ARHGAP6: variants seen among roughly 807,000 people sequenced by gnomAD.
The protein encoded by ARHGAP6 is rho GTPase-activating protein 6.
In ARHGAP6, 16 loss-of-function variants were observed where a neutral mutation model predicts 55.7. The ratio of observed to expected loss-of-function variants is 0.29; its 90% CI spans 0.19 to 0.44. The LOEUF is 0.44. Among genes scored for constraint, ARHGAP6 ranks in the 20% least tolerant of loss-of-function variants. The probability of loss-of-function intolerance (pLI) is 1.00; values close to 1 mark genes in which losing one functional copy is unlikely to be tolerated. For synonymous variants in ARHGAP6, 382 were observed against 360.9 expected (o/e 1.06, Z -0.66); for missense variants, 698 against 808.9 (o/e 0.86, Z 1.66).
intron 1 of ARHGAP6, among the ~76,000 whole-genome samples, chrX:11,498,720 G>A (rs1336478457): frequency 3.6e-5 from 4 of 111,099 alleles, no homozygotes; most frequent in African/African-American, 6.6e-5. Context: ...TGAGTATATC[G>A]AAGCATCTGT....
chrX:11,228,816 G>A (rs1310385508), intron 2 of ARHGAP6, among the ~76,000 whole-genome samples: 1 of 111,881 alleles, frequency 8.9e-6, no homozygotes, highest in African/African-American at 3.2e-5. Flanking sequence ...TATGTTATAT[G>A]ATACAAGCAT....
In ARHGAP6 at chrX:11,380,394, G is replaced by A. The variant is rs550281744; in HGVS notation, c.589-125687C>T. On this transcript the variant is annotated intron_variant, in intron 1 of 12. Transcript: ENST00000337414. Reference sequence around the variant, plus strand: ...TGAGTCACATTTGTTCCTAGTGTACGCCAGACTTTCCCCTTTTAGATGCTT... The same window carrying A: ...TGAGTCACATTTGTTCCTAGTGTACACCAGACTTTCCCCTTTTAGATGCTT... Among the ~76,000 whole-genome samples the A allele has an allele frequency of 4.5e-5, 5 of 111,982 alleles. No individual in the cohort carries two copies. In the South Asian group the frequency reaches 1.1e-3, roughly 25 times the overall value.
chrX:11,406,489 A>C (rs922874506), intron 1 of ARHGAP6, among the ~76,000 whole-genome samples: 4 of 111,313 alleles, frequency 3.6e-5, no homozygotes, highest in African/African-American at 9.8e-5. Context: ...CACACACCCC[A>C]CACACACACT....
chrX:11,221,238 T>C (rs2046965159), intron 2 of ARHGAP6: 1 of 116,093 alleles, frequency 8.6e-6, no homozygotes, highest in Non-Finnish European at 1.9e-5. Flanking sequence ...TTGCCTTTGG[T>C]TCTGCAGTTC....
At position 11,664,571 on chromosome X, in the gene ARHGAP6, C is replaced by A; in HGVS notation, c.258G>T (p.Pro86=). 8.4e-7 allele frequency: 1 copy of A among 1,186,319 alleles called. No individual in the cohort carries two copies. Among genetic ancestry groups the A allele is most frequent in the Non-Finnish European group, 1.1e-6 (1 of 882,465 alleles). ...GPRLASSSRG[P]PPRATRLPPP... is the part of the protein sequence containing the mutation. ...GCGGTAGCCTGGTGGCCCTGGGGGGCGGACCCCGGGAAGAGGACGCCAAGC... is the reference window on the plus strand; with the variant it reads ...GCGGTAGCCTGGTGGCCCTGGGGGGAGGACCCCGGGAAGAGGACGCCAAGC... Residue 86 remains proline (P), a synonymous_variant, in exon 1 of 13, where the codon CCG becomes CCT. Transcript: ENST00000337414.
chrX:11,560,225 C>A (rs1256378406), intron 1 of ARHGAP6, among the ~76,000 whole-genome samples: 1 of 111,423 alleles, frequency 9.0e-6, no homozygotes, highest in Non-Finnish European at 1.9e-5. Flanking sequence ...ATTTCAGTTA[C>A]CCAAGTTGTC....
At chrX:11,178,059 G>A in intron 8 of ARHGAP6, 41 bp downstream of exon 8, 1 of 1,208,951 alleles carries the variant, frequency 8.3e-7, no homozygotes, top group South Asian at 1.8e-5. Context: ...AAATAGGGGA[G>A]AGGAAGAGTC....
chrX:11,398,348 A>C (rs915993527), intron 1 of ARHGAP6, among the ~76,000 whole-genome samples: 1 of 109,730 alleles, frequency 9.1e-6, no homozygotes, highest in Non-Finnish European at 1.9e-5. Context: ...TTACTCATCT[A>C]TATATAATAT....
intron 1 of ARHGAP6, among the ~76,000 whole-genome samples, chrX:11,561,154 T>C (rs760575018): frequency 1.8e-4 from 20 of 112,095 alleles, no homozygotes; most frequent in Non-Finnish European, 3.2e-4. Context: ...TGCCAGCCCT[T>C]GATCCAAAGT....
chrX:11,594,644 G>A (rs1447416904), intron 1 of ARHGAP6, among the ~76,000 whole-genome samples: 2 of 111,095 alleles, frequency 1.8e-5, no homozygotes, highest in African/African-American at 3.3e-5. Context: ...GATTTAAGGT[G>A]CATACTCCTT....
At chrX:11,504,231 T>G (rs1048827093) in intron 1 of ARHGAP6, among the ~76,000 whole-genome samples, 3 of 112,391 alleles carry the variant, frequency 2.7e-5, no homozygotes, top group Admixed American at 1.9e-4. Flanking sequence ...TTTTTGTTAT[T>G]ATGTTTAATT....
chrX:11,387,902 C>T (rs1245386669), intron 1 of ARHGAP6, among the ~76,000 whole-genome samples: 2 of 111,953 alleles, frequency 1.8e-5, no homozygotes, highest in African/African-American at 3.2e-5. Context: ...TTTATGGCTG[C>T]ATAGTATTTC....
At chrX:11,392,260 T>C (rs948616328) in intron 1 of ARHGAP6, among the ~76,000 whole-genome samples, 1 of 112,014 alleles carries the variant, frequency 8.9e-6, no homozygotes, top group Non-Finnish European at 1.9e-5. Flanking sequence ...TTTCCTTTTC[T>C]GGAAGGCTCT....
intron 1 of ARHGAP6, among the ~76,000 whole-genome samples, chrX:11,279,553 CTG>C (rs200569706): frequency 0.16 from 17,702 of 110,433 alleles, 1,178 homozygotes; most frequent in Middle Eastern, 0.27. Context: ...TTCCCATTGC[CTG>C]TGTTCCAAGA....
chrX:11,613,986 C>T (rs979624335), intron 1 of ARHGAP6, among the ~76,000 whole-genome samples: 1 of 112,215 alleles, frequency 8.9e-6, no homozygotes, highest in African/African-American at 3.2e-5. Flanking sequence ...TTTTGGTCTG[C>T]AGACCATCAT....
intron 1 of ARHGAP6, among the ~76,000 whole-genome samples, chrX:11,392,868 T>G (rs770169052): frequency 4.4e-4 from 49 of 111,902 alleles, no homozygotes; most frequent in Admixed American, 1.3e-3. Flanking sequence ...TTAAGTAAAT[T>G]TAACCCACCA....
At chrX:11,303,363 T>C (rs1361294311) in intron 1 of ARHGAP6, among the ~76,000 whole-genome samples, 3 of 112,411 alleles carry the variant, frequency 2.7e-5, no homozygotes, top group African/African-American at 9.7e-5. Context: ...TTGAAACACC[T>C]GACTCTTCCA....
chrX:11,333,489 A>G (rs896573827), intron 1 of ARHGAP6, among the ~76,000 whole-genome samples: 1 of 111,982 alleles, frequency 8.9e-6, no homozygotes, highest in East Asian at 2.8e-4. Flanking sequence ...TCTTTCCTTT[A>G]TAAATTACCC....
chrX:11,531,496 C>A (rs2051048900), intron 1 of ARHGAP6, among the ~76,000 whole-genome samples: 1 of 111,073 alleles, frequency 9.0e-6, no homozygotes, highest in African/African-American at 3.3e-5. Context: ...GACATTCCTC[C>A]ACCCACCCAC....
Sources: allele counts gnomAD v4.1 joint callset (sites outside exome capture counted in the v4.1 genomes callset), GRCh38; gene constraint gnomAD v4.1.1; transcripts MANE v1.5; gene names NCBI Gene and HGNC (gene_info 2026-07-23, HGNC 2026-07-21).